The following TOX variants were observed in gnomAD, a reference collection of about 807,000 sequenced individuals.
TOX encodes thymocyte selection associated high mobility group box.
Under a neutral mutation model 53.7 loss-of-function variants are expected in TOX, and 11 were observed. That is an observed-to-expected ratio of 0.20 (90% CI 0.13 to 0.34). TOX has a LOEUF of 0.34. Among genes scored for constraint, TOX ranks in the 10% least tolerant of loss-of-function variants. The pLI is 1.00. For missense variants in TOX, 570 were observed against 664.6 expected, an observed-to-expected ratio of 0.86 and a Z score of 1.56; for synonymous variants, 225 against 245.3, an observed-to-expected ratio of 0.92 and a Z score of 0.77.
intron 1 of TOX, among the ~76,000 whole-genome samples, chr8:58,975,041 T>G (rs1813065615): frequency 6.6e-6 from 1 of 152,118 alleles, no homozygotes; most frequent in East Asian, 1.9e-4. Context: ...TCTTACTAGA[T>G]AGCAGGCAGG....
chr8:58,874,179 C>T (rs1811246479), intron 3 of TOX, among the ~76,000 whole-genome samples: 1 of 151,544 alleles, frequency 6.6e-6, no homozygotes, highest in African/African-American at 2.4e-5. Flanking sequence ...AGTGTGCTAA[C>T]AGGCCCATCC....
intron 1 of TOX, among the ~76,000 whole-genome samples, chr8:59,070,073 A>G (rs1188224573): frequency 6.6e-6 from 1 of 152,230 alleles, no homozygotes; most frequent in Non-Finnish European, 1.5e-5. Context: ...ATTGTTGTTG[A>G]ATTCAAATAC....
At chr8:59,106,556 C>T (rs529819369) in intron 1 of TOX, among the ~76,000 whole-genome samples, 2 of 152,248 alleles carry the variant, frequency 1.3e-5, no homozygotes, top group East Asian at 3.9e-4. Flanking sequence ...AGTACACATA[C>T]ACCTTTCTCT....
At chr8:59,075,139 A>T (rs1263987640) in intron 1 of TOX, among the ~76,000 whole-genome samples, 1 of 152,236 alleles carries the variant, frequency 6.6e-6, no homozygotes, top group Non-Finnish European at 1.5e-5. Flanking sequence ...ACCCTCAAGG[A>T]TCAGAAGAAC....
Position 59,036,231 on chromosome 8 carries a change from C to T in TOX, c.103-76223G>A, listed in dbSNP as rs570711538. Among the ~76,000 whole-genome samples the T allele has an allele frequency of 4.3e-4, 65 of 152,204 alleles. 2 individuals are homozygous for T. The South Asian group carries it at 5.4e-3, about 13-fold the overall frequency. On this transcript the variant is annotated intron_variant, in intron 1 of 8. Coordinates refer to ENST00000361421, the MANE Select transcript of TOX (RefSeq NM_014729.3). The stretch of plus-strand genomic sequence containing the variant: ...AATAAGAGCAATGAGGTGAAAAGGA[C>T]GGGTGTGGGACGTTCTTTACTCTTG...
intron 3 of TOX, among the ~76,000 whole-genome samples, chr8:58,900,646 T>G (rs10098750): frequency 0.55 from 83,804 of 151,866 alleles, 23,625 homozygotes; most frequent in African/African-American, 0.66. Flanking sequence ...ACACCATCTA[T>G]TCATGTCATG....
intron 1 of TOX, among the ~76,000 whole-genome samples, chr8:59,042,418 T>C (rs546601395): frequency 1.3e-5 from 2 of 152,360 alleles, no homozygotes; most frequent in African/African-American, 4.8e-5. Flanking sequence ...TCCGTTTTTG[T>C]CAGATACCAC....
At chr8:58,814,275 C>G (rs1810134592) in intron 7 of TOX, 3 of 152,144 alleles carry the variant, frequency 2.0e-5, no homozygotes, top group Admixed American at 2.0e-4. Flanking sequence ...GACATCAATT[C>G]TATAGGAAAT....
chr8:58,911,199 G>A (rs1041505813), intron 3 of TOX, among the ~76,000 whole-genome samples: 1 of 152,078 alleles, frequency 6.6e-6, no homozygotes, highest in Non-Finnish European at 1.5e-5. Flanking sequence ...ATTTTAAGCA[G>A]TTCCCTTTGA....
intron 3 of TOX, among the ~76,000 whole-genome samples, chr8:58,900,744 GAC>G (rs1194859645): frequency 6.6e-6 from 1 of 152,052 alleles, no homozygotes; most frequent in Non-Finnish European, 1.5e-5. Context: ...GTCTAGGAAT[GAC>G]AGTGAAATAT....
intron 3 of TOX, among the ~76,000 whole-genome samples, chr8:58,884,345 T>C (rs1811434079): frequency 1.3e-5 from 2 of 152,172 alleles, no homozygotes; most frequent in African/African-American, 4.8e-5. Context: ...AGGTTATTCA[T>C]AGATCCAAAG....
intron 1 of TOX, among the ~76,000 whole-genome samples, chr8:59,067,490 G>A (rs905952244): frequency 6.6e-6 from 1 of 152,120 alleles, no homozygotes; most frequent in Non-Finnish European, 1.5e-5. Flanking sequence ...AGGAGGCAGA[G>A]ACTACAGTGA....
chr8:58,880,067 T>C (rs1811357547), intron 3 of TOX, among the ~76,000 whole-genome samples: 1 of 152,168 alleles, frequency 6.6e-6, no homozygotes, highest in African/African-American at 2.4e-5. Flanking sequence ...AATCCACTTC[T>C]GAAGAAACCT....
chr8:59,012,209 C>T (rs1813919177), intron 1 of TOX, among the ~76,000 whole-genome samples: 1 of 152,072 alleles, frequency 6.6e-6, no homozygotes, highest in Admixed American at 6.5e-5. Flanking sequence ...AATCACCAAT[C>T]TAATATTTGG....
intron 3 of TOX, among the ~76,000 whole-genome samples, chr8:58,893,332 ATTGT>A (rs1811589674): frequency 6.6e-6 from 1 of 152,150 alleles, no homozygotes; most frequent in Non-Finnish European, 1.5e-5. Flanking sequence ...CTCCGAAGAC[ATTGT>A]TTATCTTTAT....
In TOX at chr8:58,911,176, T is replaced by C. The variant is rs1217907063; in HGVS notation, c.411+28126A>G. On this transcript the variant is annotated intron_variant, in intron 3 of 8. Coordinates refer to ENST00000361421, the MANE Select transcript of TOX (RefSeq NM_014729.3). Reference sequence around the variant, plus strand: ...CTTGGGAGTTTATTTCATGGTTTAATACAGGATGACCCATTTTAAGCAGTT... The same window carrying C: ...CTTGGGAGTTTATTTCATGGTTTAACACAGGATGACCCATTTTAAGCAGTT... Among the ~76,000 whole-genome samples, 4 of 152,282 alleles carry C rather than the reference T, an allele frequency of 2.6e-5. No individual in the cohort carries two copies. In the South Asian group the frequency reaches 8.3e-4, roughly 32 times the overall value.
At chr8:59,077,624 C>T (rs1374682538) in intron 1 of TOX, among the ~76,000 whole-genome samples, 1 of 152,182 alleles carries the variant, frequency 6.6e-6, no homozygotes, top group Non-Finnish European at 1.5e-5. Context: ...CTCCAATCCC[C>T]TCCTGGTGGG....
chr8:58,838,376 T>C, intron 4 of TOX, 65 bp from the exon 5 acceptor site: 1 of 1,355,194 alleles, frequency 7.4e-7, no homozygotes, highest in Non-Finnish European at 1.0e-6. Context: ...GACATATCGT[T>C]GTTTTCCTTT....
At chr8:58,814,541 C>T (rs546122348) in intron 7 of TOX, 1 of 152,278 alleles carries the variant, frequency 6.6e-6, no homozygotes, top group African/African-American at 2.4e-5. Context: ...GATACTGCCA[C>T]TGCGCAAAGC....
Sources: gnomAD v4.1 joint callset for allele counts (sites outside exome capture counted in the v4.1 genomes callset) on GRCh38, gnomAD v4.1.1 for gene constraint, MANE v1.5 for transcripts, NCBI Gene and HGNC (gene_info 2026-07-23, HGNC 2026-07-21) for gene names.